APC: variants seen among roughly 807,000 people sequenced by gnomAD.
The protein encoded by APC is APC regulator of Wnt signaling pathway.
In APC, 72 loss-of-function variants were observed where a neutral mutation model predicts 247.0. The observed-to-expected ratio is 0.29, with a 90% CI of 0.24 to 0.35. The LOEUF is 0.35. APC is among the 10% of genes least tolerant of loss of function. The probability of loss-of-function intolerance (pLI) is 1.00; values close to 1 mark genes in which losing one functional copy is unlikely to be tolerated. For missense variants in APC, 3,400 were observed against 3,360.7 expected, an observed-to-expected ratio of 1.01 and a Z score of -0.29; for synonymous variants, 1,254 against 1,162.5, an observed-to-expected ratio of 1.08 and a Z score of -1.60.
chr5:112,738,047 C>A, intron 1 of APC, 122 bp downstream of exon 1: 2 of 644,686 alleles, frequency 3.1e-6, no homozygotes, highest in Non-Finnish European at 1.9e-6. Context: ...GCATGCCAAA[C>A]GAGGAGGCAG....
At chr5:112,721,598 G>C (rs1277883214) in intron 1 of APC, among the ~76,000 whole-genome samples, 1 of 152,148 alleles carries the variant, frequency 6.6e-6, no homozygotes, top group Non-Finnish European at 1.5e-5. Context: ...AATCCACGTA[G>C]ACTTTGAAGT....
At position 112,707,662 on chromosome 5, in the gene APC, G is replaced by C. The variant is rs1056514423; in HGVS notation, c.-56G>C. The C allele has an allele frequency of 7.3e-7, 1 of 1,368,256 alleles. No homozygotes were observed. Among genetic ancestry groups the C allele is most frequent in the Non-Finnish European group, 9.6e-7 (1 of 1,036,760 alleles). 84.8% of individuals were successfully genotyped at this position (1,368,256 alleles called of 1,614,324 possible). On this transcript the variant is annotated 5_prime_UTR_variant, in exon 1 of 14. Transcript: ENST00000507379. Reference sequence around the variant, plus strand: ...ATGCTGTTCCCAGGTACTGTTGTTGGCTGTTGGTGAGGAAGGTGAAGCACT... The same window carrying C: ...ATGCTGTTCCCAGGTACTGTTGTTGCCTGTTGGTGAGGAAGGTGAAGCACT...
At chr5:112,812,934 C>G (rs549037942) in intron 8 of APC, among the ~76,000 whole-genome samples, 76 of 152,258 alleles carry the variant, frequency 5.0e-4, no homozygotes, top group South Asian at 3.9e-3. Context: ...GCCTCTTTTC[C>G]CTTCCCTAAG....
rs1561576145 is a variant in APC at position 112,837,915 on chromosome 5, A to G, written c.2321A>G (p.Asp774Gly). Residue 774 changes from aspartate (D) to glycine (G), a missense_variant, in exon 16 of 16, where the codon GAC becomes GGC. By Grantham distance (94) the Asp-to-Gly change is moderately conservative (BLOSUM62 -1). Transcript: ENST00000257430. Reference protein sequence around the residue: ...LDAQHLSETFDNIDNLSPKAS... With the variant: ...LDAQHLSETFGNIDNLSPKAS... The stretch of plus-strand genomic sequence containing the variant: ...GCTCAGCACTTATCAGAAACTTTTG[A>G]CAATATAGACAATTTAAGTCCCAAG... 1 of 1,614,140 alleles carries G rather than the reference A, an allele frequency of 6.2e-7. No homozygotes were observed.
Position 112,843,832 on chromosome 5 carries a change from C to T in APC, c.8238C>T (p.Val2746=), listed in dbSNP as rs1554088993. The T allele has an allele frequency of 6.2e-7, 1 of 1,614,040 alleles. No homozygotes were observed. The highest frequency in any genetic ancestry group is 8.5e-7 in the Non-Finnish European group (1 of 1,179,948). The change falls in exon 16 of 16, where the codon GTC becomes GTT. Residue 2746 remains valine (V), a synonymous_variant. Coordinates refer to ENST00000257430, the MANE Select transcript of APC (RefSeq NM_000038.6). The surrounding 1 kb of genome is among the most constrained non-coding windows in gnomAD (Gnocchi z 4.8). The stretch of plus-strand genomic sequence containing the variant: ...TAAAACCAGGACAAAATAATCCTGT[C>T]CCTGTATCAGAGACTAATGAAAGTT... ...TEIKPGQNNP[V]PVSETNESSI... is the part of the protein sequence containing the mutation.
chr5:112,752,297 C>G (rs1581113232), intron 1 of APC, among the ~76,000 whole-genome samples: 1 of 152,158 alleles, frequency 6.6e-6, no homozygotes, highest in African/African-American at 2.4e-5. Flanking sequence ...TGATCTCAAA[C>G]TTCTGAAAAT....
rs1488397941 is a variant in APC at position 112,839,392 on chromosome 5, T to C, written c.3798T>C (p.Asp1266=). 3 of 1,614,056 alleles carry C rather than the reference T, an allele frequency of 1.9e-6. No individual in the cohort carries two copies. The highest frequency in any genetic ancestry group is 3.3e-5 in the Admixed American group (2 of 59,994). Residue 1266 remains aspartate (D), a synonymous_variant, in exon 16 of 16, where the codon GAT becomes GAC. Coordinates refer to ENST00000257430, the MANE Select transcript of APC (RefSeq NM_000038.6). This position sits in a 1 kb window ranked among gnomAD's most constrained non-coding sequence, Gnocchi z 5.0. The part of the protein sequence containing the change: ...QETIQTYCVE[D]TPICFSRCSS... ...CAATACAGACTTATTGTGTAGAAGA[T>C]ACTCCAATATGTTTTTCAAGATGTA...
At chr5:112,817,328 C>G (rs1003175043) in intron 9 of APC, among the ~76,000 whole-genome samples, 1 of 152,134 alleles carries the variant, frequency 6.6e-6, no homozygotes, top group African/African-American at 2.4e-5. Context: ...AAAGGTATTA[C>G]TGAAATAACT....
In APC at chr5:112,752,810, G is replaced by A. The variant is rs4705617; in HGVS notation, c.-18-2063G>A. Among the ~76,000 whole-genome samples, 149,563 of 152,228 alleles carry A rather than the reference G, an allele frequency of 0.98. 73,532 individuals are homozygous for A. Among genetic ancestry groups the A allele is most frequent in the Middle Eastern group, 1 (294 of 294 alleles). On this transcript the variant is annotated intron_variant, in intron 1 of 15. Transcript: ENST00000257430. ...TGAAACTTGTTATTTTTTCCATAAA[G>A]TTAGATTCTTTCTAGAGCAGAAAGA... is the stretch of plus-strand genomic sequence containing the variant.
At chr5:112,794,771 C>T (rs1228203179) in intron 7 of APC, among the ~76,000 whole-genome samples, 1 of 152,162 alleles carries the variant, frequency 6.6e-6, no homozygotes, top group African/African-American at 2.4e-5. Flanking sequence ...ACATTTCTGC[C>T]CAGTGTGTTA....
rs955109704 is a variant in APC at position 112,845,859 on chromosome 5, T to C, written c.*1733T>C. ...AATTTATTTTTAGTGATAAGATTCA[T>C]ACACTCTGTATTTGGGGAGGGAAAA... On this transcript the variant is annotated 3_prime_UTR_variant, in exon 16 of 16. Transcript: ENST00000257430. 2 of 232,276 alleles carry C rather than the reference T, an allele frequency of 8.6e-6. No individual in the cohort carries two copies. Among genetic ancestry groups the C allele is most frequent in the East Asian group, 1.2e-4 (2 of 16,408 alleles). The allele number at this position is 232,276 out of a possible 1,614,324, so 14.4% of individuals were successfully genotyped here.
At chr5:112,793,295 G>A (rs1455923253) in intron 7 of APC, among the ~76,000 whole-genome samples, 1 of 152,014 alleles carries the variant, frequency 6.6e-6, no homozygotes, top group Non-Finnish European at 1.5e-5. Flanking sequence ...GGTATCATAC[G>A]AAACACTGAA....
rs1561602823 is a variant in APC at position 112,841,404 on chromosome 5, C to T, written c.5810C>T (p.Ser1937Phe). ...LQKQSTFPQS[S>F]KDIPDRGAAT... ...AAACAATCCACTTTTCCCCAGTCAT[C>T]CAAAGACATACCAGACAGAGGGGCA... The change falls in exon 16 of 16, where the codon TCC (serine) becomes TTC (phenylalanine). Residue 1937 changes from serine to phenylalanine, a missense_variant. This residue lies in a region of APC where 1,788 missense variants were observed against 1,649.5 expected (regional missense o/e 1.08). Coordinates refer to ENST00000257430, the MANE Select transcript of APC (RefSeq NM_000038.6). This position sits in a 1 kb window ranked among gnomAD's most constrained non-coding sequence, Gnocchi z 4.6. 1 of 1,613,900 alleles carries T rather than the reference C, an allele frequency of 6.2e-7. No individual in the cohort carries two copies. Among genetic ancestry groups the T allele is most frequent in the South Asian group, 1.1e-5 (1 of 91,072 alleles).
intron 1 of APC, among the ~76,000 whole-genome samples, chr5:112,744,488 AC>A (rs1367852860): frequency 6.6e-6 from 1 of 152,178 alleles, no homozygotes; most frequent in African/African-American, 2.4e-5. Context: ...AAGACAAAAC[AC>A]CCCAAGGTAA....
At chr5:112,708,245 A>G (rs898511951) in intron 1 of APC, among the ~76,000 whole-genome samples, 1 of 152,050 alleles carries the variant, frequency 6.6e-6, no homozygotes, top group African/African-American at 2.4e-5. Flanking sequence ...CTTCCTCTAA[A>G]AGTTTTAAAC....
intron 1 of APC, among the ~76,000 whole-genome samples, chr5:112,743,703 T>C (rs1220869806): frequency 1.3e-5 from 2 of 152,218 alleles, no homozygotes; most frequent in Non-Finnish European, 2.9e-5. Context: ...TTGTATCTTT[T>C]AGACTCGTTA....
chr5:112,715,446 G>T (rs558972892), intron 1 of APC, among the ~76,000 whole-genome samples: 8 of 152,270 alleles, frequency 5.3e-5, no homozygotes, highest in Admixed American at 1.3e-4. Flanking sequence ...TTTTTGAGAA[G>T]CCGTTTGTGC....
Position 112,842,723 on chromosome 5 carries a change from A to C in APC, c.7129A>C (p.Asn2377His), listed in dbSNP as rs1766383417. The change falls in exon 16 of 16, where the codon AAC (asparagine) becomes CAC (histidine). Residue 2377 changes from asparagine (N) to histidine (H), a missense_variant. By Grantham distance (68) the Asn-to-His change is moderately conservative. Transcript: ENST00000257430. ...TCCAGGTAGACAGATGAGCCAACAG[A>C]ACCTTACCAAACAAACAGGTTTATC... ...TSPGRQMSQQ[N>H]LTKQTGLSKN... 6.2e-7 allele frequency: 1 copy of C among 1,613,972 alleles called. No individual in the cohort carries two copies. Among genetic ancestry groups the C allele is most frequent in the Non-Finnish European group, 8.5e-7 (1 of 1,179,872 alleles).
chr5:112,738,709 A>G (rs978897925), intron 1 of APC, among the ~76,000 whole-genome samples: 1 of 152,246 alleles, frequency 6.6e-6, no homozygotes, highest in Non-Finnish European at 1.5e-5. Flanking sequence ...ATGCTGGGGT[A>G]GAAGCCCATT....
Sources: gnomAD v4.1 joint callset for allele counts (sites outside exome capture counted in the v4.1 genomes callset) on GRCh38, gnomAD v4.1.1 for gene constraint, gnomAD v4.1.1 regional missense constraint, Gnocchi (gnomAD v3.1) non-coding constraint, MANE v1.5 for transcripts, NCBI Gene and HGNC (gene_info 2026-07-23, HGNC 2026-07-21) for gene names.